The following CXADR variants were observed in gnomAD, a reference collection of about 807,000 sequenced individuals.
The protein encoded by CXADR is CXADR cell adhesion molecule, also known as coxsackievirus and adenovirus receptor.
In CXADR, 20 loss-of-function variants were observed where a neutral mutation model predicts 40.3. The observed-to-expected ratio is 0.50, with a 90% CI of 0.35 to 0.72. The LOEUF is 0.72. CXADR is among the 30% of genes least tolerant of loss of function. The pLI is 0.01. For missense variants in CXADR, 332 were observed against 449.1 expected (o/e 0.74, Z 2.36); for synonymous variants, 150 against 161.3 (o/e 0.93, Z 0.53).
intron 1 of CXADR, among the ~76,000 whole-genome samples, chr21:17,532,508 GC>G (rs1440743360): frequency 4.1e-5 from 2 of 48,472 alleles, no homozygotes; most frequent in Non-Finnish European, 2.2e-4. Flanking sequence ...TCCTGTTGCA[GC>G]TCCCCAAAAC....
intron 3 of CXADR, among the ~76,000 whole-genome samples, chr21:17,554,015 A>G (rs2061003190): frequency 6.6e-6 from 1 of 152,238 alleles, no homozygotes; most frequent in African/African-American, 2.4e-5. Context: ...ATTAAGTTGG[A>G]AGATGTATAC....
At chr21:17,626,948 CA>C in the CXADR span, 3 of 152,208 alleles carry the variant, frequency 2.0e-5, no homozygotes, top group Non-Finnish European at 1.5e-5. Flanking sequence ...TGTCACACAA[CA>C]CGGTGGTATT....
At chr21:17,632,935 G>A in the CXADR span, among the ~76,000 whole-genome samples, 1 of 152,110 alleles carries the variant, frequency 6.6e-6, no homozygotes, top group African/African-American at 2.4e-5. Context: ...CTCAGATTTG[G>A]CTAGGTGTAT....
chr21:17,573,105 T>C (rs549677986), downstream of CXADR, among the ~76,000 whole-genome samples: 2 of 152,288 alleles, frequency 1.3e-5, no homozygotes, highest in African/African-American at 4.8e-5. Context: ...AAGGATCTGC[T>C]CCAGACCCCT....
chr21:17,533,652 T>A (rs949692806), intron 1 of CXADR, among the ~76,000 whole-genome samples: 18 of 151,882 alleles, frequency 1.2e-4, no homozygotes, highest in African/African-American at 4.4e-4. Context: ...TGTAGGGCAT[T>A]TTGAAAAGTG....
At chr21:17,535,483 G>C (rs938699445) in intron 1 of CXADR, among the ~76,000 whole-genome samples, 2 of 152,052 alleles carry the variant, frequency 1.3e-5, no homozygotes, top group Non-Finnish European at 2.9e-5. Flanking sequence ...GGTTACAGGG[G>C]TGAGCCATAT....
At chr21:17,576,585 A>G (rs1364517367) in intron 7 of CXADR, among the ~76,000 whole-genome samples, 1 of 152,136 alleles carries the variant, frequency 6.6e-6, no homozygotes, top group Non-Finnish European at 1.5e-5. Flanking sequence ...CCGGGGGTAG[A>G]TTTATGTCTG....
chr21:17,543,935 G>A (rs1044843413), intron 1 of CXADR, among the ~76,000 whole-genome samples: 2 of 152,164 alleles, frequency 1.3e-5, no homozygotes, highest in African/African-American at 4.8e-5. Context: ...GGCAAAGGCA[G>A]GAGGATTACT....
At position 17,552,861 on chromosome 21, in the gene CXADR, G is replaced by A. The variant is rs569162693; in HGVS notation, c.415+908G>A. Among the ~76,000 whole-genome samples the A allele has an allele frequency of 7.2e-5, 11 of 152,230 alleles. No individual in the cohort carries two copies. In the East Asian group the frequency reaches 2.1e-3, roughly 29 times the overall value. On this transcript the variant is annotated intron_variant, in intron 3 of 6. Transcript: ENST00000284878. ...ATTTACCTCATTCCTTCTGTTTAGAGAACTGATTAGGGGTGGGGTAGAATA... is the reference window on the plus strand; with the variant it reads ...ATTTACCTCATTCCTTCTGTTTAGAAAACTGATTAGGGGTGGGGTAGAATA...
downstream of CXADR, among the ~76,000 whole-genome samples, chr21:17,574,050 C>T (rs2123359880): frequency 6.6e-6 from 1 of 152,298 alleles, no homozygotes; most frequent in South Asian, 2.1e-4. Context: ...GTGATAAGAA[C>T]TTCTACATTT....
At chr21:17,540,557 T>A (rs1214938346) in intron 1 of CXADR, among the ~76,000 whole-genome samples, 1 of 152,234 alleles carries the variant, frequency 6.6e-6, no homozygotes, top group East Asian at 1.9e-4. Context: ...CTACCTGATC[T>A]GTTTGTCCTT....
intron 3 of CXADR, among the ~76,000 whole-genome samples, chr21:17,557,426 C>T (rs2249100): frequency 6.6e-6 from 1 of 151,920 alleles, no homozygotes; most frequent in African/African-American, 2.4e-5. Context: ...TACTTCCTTA[C>T]AACCTCCTGA....
chr21:17,515,800 C>T (rs1464829256), intron 1 of CXADR, among the ~76,000 whole-genome samples: 3 of 152,108 alleles, frequency 2.0e-5, no homozygotes, highest in African/African-American at 7.2e-5. Context: ...AGCTAGACTC[C>T]GTCTCTGAAA....
At chr21:17,593,283 C>T (rs958385197) in exon 8 of CXADR, 1 of 1,169,870 alleles carries the variant, frequency 8.5e-7, no homozygotes, top group Non-Finnish European at 1.1e-6. Flanking sequence ...AAAAAAAGCA[C>T]AAGGCACAGA....
At chr21:17,549,825 A>G (rs1482718773) in intron 2 of CXADR, among the ~76,000 whole-genome samples, 1 of 152,224 alleles carries the variant, frequency 6.6e-6, no homozygotes, top group East Asian at 1.9e-4. Context: ...GTTAGATTCC[A>G]CAGGCAAATT....
chr21:17,579,153 G>A (rs1384736945), intron 7 of CXADR, among the ~76,000 whole-genome samples: 1 of 152,200 alleles, frequency 6.6e-6, no homozygotes, highest in Non-Finnish European at 1.5e-5. Context: ...TGGAAAGAGA[G>A]CCTGGAAAGA....
At chr21:17,513,699 C>T (rs1429696730) in intron 1 of CXADR, among the ~76,000 whole-genome samples, 1 of 152,198 alleles carries the variant, frequency 6.6e-6, no homozygotes, top group Admixed American at 6.5e-5. Context: ...AGGAAAGAGG[C>T]GCTGAGCGAA....
At chr21:17,602,098 T>C in the CXADR span, among the ~76,000 whole-genome samples, 3 of 151,902 alleles carry the variant, frequency 2.0e-5, no homozygotes, top group Admixed American at 6.6e-5. Context: ...TTTAGTTATT[T>C]AGAAACAATC....
At chr21:17,560,296 T>A (rs964232483) in intron 4 of CXADR, among the ~76,000 whole-genome samples, 1 of 152,214 alleles carries the variant, frequency 6.6e-6, no homozygotes, top group African/African-American at 2.4e-5. Context: ...CTGGGAGTCC[T>A]CTTCTGACTT....
Sources: gnomAD v4.1 joint callset for allele counts (sites outside exome capture counted in the v4.1 genomes callset) on GRCh38, gnomAD v4.1.1 for gene constraint, MANE v1.5 for transcripts, NCBI Gene and HGNC (gene_info 2026-07-23, HGNC 2026-07-21) for gene names.